The following CSMD3 variants were observed in gnomAD, a reference collection of about 807,000 sequenced individuals.
The protein encoded by CSMD3 is CUB and sushi domain-containing protein 3.
Under a neutral mutation model 435.2 loss-of-function variants are expected in CSMD3, and 177 were observed. The ratio of observed to expected loss-of-function variants is 0.41; its 90% confidence interval spans 0.36 to 0.46. The LOEUF is 0.46. Among genes scored for constraint, CSMD3 ranks in the 20% least tolerant of loss-of-function variants. CSMD3 has a pLI of 0.34. For synonymous variants in CSMD3, 1,656 were observed against 1,520.5 expected, an observed-to-expected ratio of 1.09 and a Z score of -2.07; for missense variants, 4,265 against 4,504.6, an observed-to-expected ratio of 0.95 and a Z score of 1.52.
At chr8:112,497,561 T>G (rs1821488220) in intron 30 of CSMD3, among the ~76,000 whole-genome samples, 1 of 151,344 alleles carries the variant, frequency 6.6e-6, no homozygotes, top group Non-Finnish European at 1.5e-5. Context: ...CACTAATAAC[T>G]TTACTTTTTA....
intron 6 of CSMD3, among the ~76,000 whole-genome samples, chr8:113,008,538 AT>A (rs1041628169): frequency 1.3e-5 from 2 of 151,684 alleles, no homozygotes; most frequent in African/African-American, 4.8e-5. Flanking sequence ...TGAATTTTTA[AT>A]TTTATTTAAT....
At chr8:113,043,339 T>C (rs1316119604) in intron 5 of CSMD3, among the ~76,000 whole-genome samples, 1 of 152,188 alleles carries the variant, frequency 6.6e-6, no homozygotes, top group Non-Finnish European at 1.5e-5. Context: ...TTTTATTCTT[T>C]TTGTAGAATG....
intron 23 of CSMD3, among the ~76,000 whole-genome samples, chr8:112,578,826 C>G (rs1294318449): frequency 6.6e-6 from 1 of 151,994 alleles, no homozygotes; most frequent in Non-Finnish European, 1.5e-5. Flanking sequence ...ACATGGCTTT[C>G]TCCCAATAAA....
At chr8:113,405,130 C>T (rs1435930612) in intron 1 of CSMD3, among the ~76,000 whole-genome samples, 1 of 151,364 alleles carries the variant, frequency 6.6e-6, no homozygotes, top group Non-Finnish European at 1.5e-5. Flanking sequence ...TGTGTTTAAT[C>T]CCAGTAACTT....
intron 3 of CSMD3, among the ~76,000 whole-genome samples, chr8:113,210,289 C>A (rs2092818874): frequency 6.6e-6 from 1 of 151,986 alleles, no homozygotes; most frequent in Non-Finnish European, 1.5e-5. Context: ...AGTATGAGCA[C>A]TGGAATATCA....
intron 27 of CSMD3, among the ~76,000 whole-genome samples, chr8:112,531,831 A>G (rs1404555720): frequency 6.6e-6 from 1 of 152,120 alleles, no homozygotes; most frequent in African/African-American, 2.4e-5. Context: ...ACATGTCCAC[A>G]AGCCTCAAGA....
At chr8:113,159,109 T>A (rs1297438683) in intron 4 of CSMD3, among the ~76,000 whole-genome samples, 3 of 151,970 alleles carry the variant, frequency 2.0e-5, no homozygotes, top group African/African-American at 7.2e-5. Flanking sequence ...GTATAATAAA[T>A]GTTTACAAAT....
intron 3 of CSMD3, among the ~76,000 whole-genome samples, chr8:113,204,597 A>G (rs772510619): frequency 2.0e-5 from 3 of 152,170 alleles, no homozygotes; most frequent in African/African-American, 4.8e-5. Flanking sequence ...ACATTCACTC[A>G]GACTCATTCA....
intron 9 of CSMD3, among the ~76,000 whole-genome samples, chr8:112,930,135 T>C (rs1039685070): frequency 2.6e-5 from 4 of 152,154 alleles, no homozygotes; most frequent in Admixed American, 6.6e-5. Context: ...ACATGCTATT[T>C]TGAAGTTCAC....
chr8:112,692,815 A>G (rs2076164883), intron 13 of CSMD3, among the ~76,000 whole-genome samples: 1 of 152,192 alleles, frequency 6.6e-6, no homozygotes, highest in Non-Finnish European at 1.5e-5. Context: ...GAGCACATTC[A>G]CATAACTTTT....
chr8:113,275,355 A>T (rs929635704), intron 3 of CSMD3, among the ~76,000 whole-genome samples: 1 of 152,028 alleles, frequency 6.6e-6, no homozygotes, highest in African/African-American at 2.4e-5. Flanking sequence ...CAGGGAGAGA[A>T]AGATAGAATT....
chr8:112,246,752 A>G (rs1814767101), intron 64 of CSMD3, among the ~76,000 whole-genome samples: 1 of 152,182 alleles, frequency 6.6e-6, no homozygotes, highest in Non-Finnish European at 1.5e-5. Context: ...CCTAATCATT[A>G]CCTAAAATTA....
intron 29 of CSMD3, among the ~76,000 whole-genome samples, chr8:112,505,675 A>G (rs903467975): frequency 2.0e-5 from 3 of 151,892 alleles, no homozygotes; most frequent in Admixed American, 6.6e-5. Context: ...AGTCTTAGTT[A>G]TTACGTTTTT....
At chr8:112,236,439 G>T (rs1813605859) in intron 67 of CSMD3, among the ~76,000 whole-genome samples, 1 of 151,900 alleles carries the variant, frequency 6.6e-6, no homozygotes. Flanking sequence ...AGCTTTCTTA[G>T]AATTTATTTT....
intron 1 of CSMD3, among the ~76,000 whole-genome samples, chr8:113,354,517 T>A (rs960271536): frequency 6.6e-6 from 1 of 152,224 alleles, no homozygotes; most frequent in Non-Finnish European, 1.5e-5. Context: ...ATGAGTGATA[T>A]AAAATGATCT....
At chr8:112,792,842 C>T (rs2132296786) in intron 13 of CSMD3, among the ~76,000 whole-genome samples, 1 of 151,858 alleles carries the variant, frequency 6.6e-6, no homozygotes, top group East Asian at 1.9e-4. Flanking sequence ...AATCAATTGG[C>T]CATAATATGT....
chr8:113,021,354 A>G (rs1240856644), intron 5 of CSMD3, among the ~76,000 whole-genome samples: 2 of 152,182 alleles, frequency 1.3e-5, no homozygotes, highest in African/African-American at 4.8e-5. Context: ...GATTTGTTTC[A>G]ATTATATTTT....
chr8:113,127,318 C>A (rs2091162214), intron 4 of CSMD3, among the ~76,000 whole-genome samples: 1 of 152,060 alleles, frequency 6.6e-6, no homozygotes, highest in Admixed American at 6.6e-5. Flanking sequence ...TTGGTATCAA[C>A]AAAATAAGGT....
intron 27 of CSMD3, among the ~76,000 whole-genome samples, chr8:112,524,583 A>G (rs543481046): frequency 1.1e-4 from 16 of 152,176 alleles, no homozygotes; most frequent in African/African-American, 3.8e-4. Context: ...AGATGTGAAC[A>G]TAGTTTTAAA....
Sources: allele counts gnomAD v4.1 joint callset (sites outside exome capture counted in the v4.1 genomes callset), GRCh38; gene constraint gnomAD v4.1.1; transcripts MANE v1.5; gene names NCBI Gene and HGNC (gene_info 2026-07-23, HGNC 2026-07-21).